The following DLG2 variants were observed in gnomAD, a reference collection of about 807,000 sequenced individuals.
DLG2 encodes discs large MAGUK scaffold protein 2, also known as disks large homolog 2.
A neutral mutation model predicts 132.5 loss-of-function variants in DLG2; 45 were observed. The ratio of observed to expected loss-of-function variants is 0.34; its 90% CI spans 0.27 to 0.44. The LOEUF (loss-of-function observed/expected upper bound fraction) is 0.44, where lower values mean the gene tolerates loss of function less well. Ranked by LOEUF, DLG2 falls within the 20% of genes least tolerant of loss-of-function variation. The pLI is 1.00. For synonymous variants in DLG2, 424 were observed against 419.6 expected (o/e 1.01, Z -0.13); for missense variants, 1,045 against 1,196.9 (o/e 0.87, Z 1.87).
At chr11:83,766,330 T>G (rs1433538712) in intron 18 of DLG2, among the ~76,000 whole-genome samples, 3 of 151,912 alleles carry the variant, frequency 2.0e-5, no homozygotes, top group Admixed American at 6.6e-5. Context: ...CCTGACCTCA[T>G]GATCCACCCA....
intron 6 of DLG2, among the ~76,000 whole-genome samples, chr11:84,975,976 G>T (rs952727924): frequency 5.9e-5 from 9 of 151,946 alleles, no homozygotes; most frequent in Admixed American, 2.0e-4. Context: ...CACTTTCTTG[G>T]CACCTTGCAA....
chr11:85,441,969 G>A (rs188309077), intron 3 of DLG2, among the ~76,000 whole-genome samples: 1 of 151,820 alleles, frequency 6.6e-6, no homozygotes, highest in Non-Finnish European at 1.5e-5. Context: ...GCTAAGACCA[G>A]AATGATGAGA....
intron 11 of DLG2, among the ~76,000 whole-genome samples, chr11:83,984,316 G>A (rs931886196): frequency 3.3e-5 from 5 of 151,944 alleles, no homozygotes; most frequent in African/African-American, 7.2e-5. Context: ...GTGAAGCAAG[G>A]TATTTTTAGT....
intron 6 of DLG2, among the ~76,000 whole-genome samples, chr11:84,780,103 T>G (rs975822332): frequency 2.0e-5 from 3 of 151,984 alleles, no homozygotes; most frequent in African/African-American, 7.2e-5. Flanking sequence ...TATAAACCAA[T>G]TTTCCTAATG....
chr11:84,264,331 T>C (rs972894249), intron 7 of DLG2, among the ~76,000 whole-genome samples: 4 of 152,194 alleles, frequency 2.6e-5, no homozygotes, highest in Admixed American at 6.5e-5. Flanking sequence ...GCAGTGTCTA[T>C]GTTACTCTTG....
chr11:84,696,597 A>C (rs1156865034), intron 6 of DLG2, among the ~76,000 whole-genome samples: 1 of 151,534 alleles, frequency 6.6e-6, no homozygotes. Context: ...ACCAGGCAGA[A>C]AAAAACAGTG....
At chr11:84,023,988 A>G (rs552010446) in intron 11 of DLG2, among the ~76,000 whole-genome samples, 1 of 152,154 alleles carries the variant, frequency 6.6e-6, no homozygotes, top group African/African-American at 2.4e-5. Flanking sequence ...AACATACAAA[A>G]TATGTGTTAA....
intron 3 of DLG2, chr11:85,510,047 T>TG (rs1555167256): frequency 2.7e-5 from 1 of 37,498 alleles, no homozygotes; most frequent in Non-Finnish European, 6.4e-5. Context: ...ATGTTTTTAA[T>TG]CAAAAAAAAA....
At chr11:84,224,725 T>A (rs958581263) in intron 8 of DLG2, among the ~76,000 whole-genome samples, 1 of 152,196 alleles carries the variant, frequency 6.6e-6, no homozygotes, top group African/African-American at 2.4e-5. Context: ...CTCTTAACTA[T>A]TATACCATGC....
At chr11:85,589,960 A>T (rs1159823095) in intron 3 of DLG2, among the ~76,000 whole-genome samples, 1 of 152,146 alleles carries the variant, frequency 6.6e-6, no homozygotes, top group Non-Finnish European at 1.5e-5. Flanking sequence ...ACATTTTTTA[A>T]TATAGTATAA....
At chr11:83,833,348 G>T (rs2055128359) in intron 17 of DLG2, among the ~76,000 whole-genome samples, 1 of 152,154 alleles carries the variant, frequency 6.6e-6, no homozygotes, top group Non-Finnish European at 1.5e-5. Context: ...TGAGGCAGGA[G>T]AATCACCTCA....
intron 21 of DLG2, chr11:83,486,319 T>TTTAAC: frequency 1.6e-6 from 1 of 633,856 alleles, no homozygotes; most frequent in Non-Finnish European, 2.8e-6. Flanking sequence ...ATGTTAGACA[T>TTTAAC]TTAACTTCAA....
chr11:83,621,104 A>G (rs2153432738), intron 19 of DLG2, among the ~76,000 whole-genome samples: 1 of 152,274 alleles, frequency 6.6e-6, no homozygotes, highest in South Asian at 2.1e-4. Context: ...GATTATGTTC[A>G]TAAGTTTCTT....
chr11:83,996,034 G>A lies in DLG2; in HGVS notation c.920-15392C>T, dbSNP rs530711288. Among the ~76,000 whole-genome samples the A allele has an allele frequency of 1.6e-4, 24 of 152,240 alleles. No individual in the cohort carries two copies. In the East Asian group the frequency reaches 4.2e-3, roughly 27 times the overall value. On this transcript the variant is annotated intron_variant, in intron 11 of 27. Transcript: ENST00000376104. ...AAGGAAACAATCAACAAAGTGAAGAGACAGTCCAGAGAATGGGAGAAAATG... is the reference window on the plus strand; with the variant it reads ...AAGGAAACAATCAACAAAGTGAAGAAACAGTCCAGAGAATGGGAGAAAATG...
intron 12 of DLG2, among the ~76,000 whole-genome samples, chr11:83,977,302 G>T (rs1428793325): frequency 6.6e-6 from 1 of 151,916 alleles, no homozygotes; most frequent in African/African-American, 2.4e-5. Context: ...TTCTTGTGCA[G>T]GTGTGTGCTT....
At chr11:83,963,128 A>C in intron 13 of DLG2, 105 bp from the exon 14 acceptor site, 1 of 1,298,984 alleles carries the variant, frequency 7.7e-7, no homozygotes, top group Admixed American at 2.0e-5. Flanking sequence ...GCTTTGCTGC[A>C]TGCCAAGGTT....
At chr11:84,746,740 A>G (rs966058629) in intron 6 of DLG2, among the ~76,000 whole-genome samples, 19 of 152,348 alleles carry the variant, frequency 1.2e-4, no homozygotes, top group South Asian at 6.2e-4. Flanking sequence ...TGCTTAAACA[A>G]TAAGAATATT....
intron 6 of DLG2, among the ~76,000 whole-genome samples, chr11:84,595,159 C>T (rs912390861): frequency 6.6e-6 from 1 of 152,116 alleles, no homozygotes; most frequent in Admixed American, 6.6e-5. Context: ...TTCTGAAGCA[C>T]AGTGGTGTGA....
At chr11:84,944,542 C>A (rs1566470407) in intron 6 of DLG2, among the ~76,000 whole-genome samples, 1 of 151,238 alleles carries the variant, frequency 6.6e-6, no homozygotes, top group Non-Finnish European at 1.5e-5. Flanking sequence ...TTCAATATAT[C>A]AATTGAATTT....
Sources: gnomAD v4.1 joint callset for allele counts (sites outside exome capture counted in the v4.1 genomes callset) on GRCh38, gnomAD v4.1.1 for gene constraint, MANE v1.5 for transcripts, NCBI Gene and HGNC (gene_info 2026-07-23, HGNC 2026-07-21) for gene names.